The following CRYBA1 variants were observed in gnomAD, a reference collection of about 807,000 sequenced individuals.
CRYBA1 encodes the protein beta-crystallin A3.
In CRYBA1, 25 loss-of-function variants were observed where a neutral mutation model predicts 36.2. The ratio of observed to expected loss-of-function variants is 0.69; its 90% CI spans 0.50 to 0.97. The LOEUF (loss-of-function observed/expected upper bound fraction) is 0.97, where lower values mean the gene tolerates loss of function less well. CRYBA1 is among the 50% of genes least tolerant of loss of function. CRYBA1 has a pLI of 0.00. For missense variants in CRYBA1, 224 were observed against 276.3 expected (o/e 0.81, Z 1.34); for synonymous variants, 111 against 90.0 (o/e 1.23, Z -1.32).
chr17:29,254,423 T>C lies in CRYBA1; in HGVS notation c.*74T>C, dbSNP rs2068957285. The C allele has an allele frequency of 6.7e-7, 1 of 1,482,224 alleles. No individual in the cohort carries two copies. The highest frequency in any genetic ancestry group is 2.3e-5 in the East Asian group (1 of 44,336). 91.8% of individuals were successfully genotyped at this position (1,482,224 alleles called of 1,614,324 possible). ...TAAGCACTCTAGAATAAGTTTTATGTTCTGCTCACAGACATTGCTTTCAAA... is the reference window on the plus strand; with the variant it reads ...TAAGCACTCTAGAATAAGTTTTATGCTCTGCTCACAGACATTGCTTTCAAA... On this transcript the variant is annotated 3_prime_UTR_variant, in exon 6 of 6. Coordinates refer to ENST00000225387, the MANE Select transcript of CRYBA1 (RefSeq NM_005208.5).
At chr17:29,252,251 A>G (rs1324161605) in intron 4 of CRYBA1, 46 bp downstream of exon 4, 2 of 1,612,012 alleles carry the variant, frequency 1.2e-6, no homozygotes, top group South Asian at 2.2e-5. Flanking sequence ...GGGATGGGAC[A>G]AGAGGGTGTG....
intron 1 of CRYBA1, among the ~76,000 whole-genome samples, chr17:29,247,349 C>A (rs1179604023): frequency 6.6e-6 from 1 of 152,202 alleles, no homozygotes; most frequent in African/African-American, 2.4e-5. Context: ...CTTGCTCTGT[C>A]CTTCCTTTTT....
At chr17:29,248,815 A>G (rs2068917497) in intron 1 of CRYBA1, among the ~76,000 whole-genome samples, 1 of 152,036 alleles carries the variant, frequency 6.6e-6, no homozygotes, top group African/African-American at 2.4e-5. Flanking sequence ...TAAAAATACA[A>G]AAACTAGCTG....
rs775693213 is a variant in CRYBA1 at position 29,252,121 on chromosome 17, A to G, written c.273A>G (p.Gly91=). Residue 91 remains glycine (G), a synonymous_variant, in exon 4 of 6, where the codon GGA becomes GGG. Transcript: ENST00000225387. ...GGCAACAGTTTATCCTGGAGAGAGGAGAATACCCTCGCTGGGATGCCTGGA... is the reference window on the plus strand; with the variant it reads ...GGCAACAGTTTATCCTGGAGAGAGGGGAATACCCTCGCTGGGATGCCTGGA... The part of the protein sequence containing the change: ...FCGQQFILER[G]EYPRWDAWSG... 2 of 1,614,166 alleles carry G rather than the reference A, an allele frequency of 1.2e-6. No individual in the cohort carries two copies. The highest frequency in any genetic ancestry group is 1.1e-5 in the South Asian group (1 of 91,088).
At chr17:29,253,835 A>T in intron 5 of CRYBA1, 53 bp downstream of exon 5, 1 of 1,593,118 alleles carries the variant, frequency 6.3e-7, no homozygotes, top group Non-Finnish European at 8.6e-7. Flanking sequence ...CTGAGGTTGC[A>T]TCAATAGTTA....
rs371089224 is a variant in CRYBA1 at position 29,254,295 on chromosome 17, G to A, written c.594G>A (p.Trp198Ter). The change falls in exon 6 of 6, where the codon TGG becomes TGA. Residue 198 changes from tryptophan (W) to a stop codon, truncating the protein, a stop_gained. Coordinates refer to ENST00000225387, the MANE Select transcript of CRYBA1 (RefSeq NM_005208.5). LOFTEE classifies it high-confidence loss of function. ...GAGACTATAAACATTGGAGAGAGTG[G>A]GGCTCTCATGCCCAGACTTCGCAGA... The part of the protein sequence containing the change: ...HGGDYKHWRE[W>*]GSHAQTSQIQ... 2.9e-5 allele frequency: 47 copies of A among 1,613,956 alleles called. No homozygotes were observed. The highest frequency in any genetic ancestry group is 4.0e-5 in the Non-Finnish European group (47 of 1,179,954).
Position 29,248,368 on chromosome 17 carries a change from C to CT in CRYBA1, c.32-760dup, listed in dbSNP as rs1204290621. On this transcript the variant is annotated intron_variant, in intron 1 of 5. Coordinates refer to ENST00000225387, the MANE Select transcript of CRYBA1 (RefSeq NM_005208.5). ...ATTGTTTCTGATCCTTGTTTTTTTT[C>CT]TTTTTTTTTTTTTTGAGATGGAGTC... Among the ~76,000 whole-genome samples the CT allele has an allele frequency of 4.3e-3, 595 of 139,720 alleles. 3 individuals carry two copies. Among genetic ancestry groups the CT allele is most frequent in the Middle Eastern group, 0.011 (3 of 268 alleles). 91.7% of individuals were successfully genotyped at this position (139,720 alleles called of 152,430 possible). A position where few individuals can be genotyped will look rare whatever the true frequency, so the allele number is the denominator to read the frequency against.
At chr17:29,253,885 C>A in intron 5 of CRYBA1, 103 bp downstream of exon 5, 1 of 1,376,090 alleles carries the variant, frequency 7.3e-7, no homozygotes, top group Non-Finnish European at 1.0e-6. Flanking sequence ...ATAGATGTCA[C>A]ATTCTAGTTC....
chr17:29,252,992 G>C (rs531983851), intron 4 of CRYBA1, among the ~76,000 whole-genome samples: 1 of 152,202 alleles, frequency 6.6e-6, no homozygotes, highest in South Asian at 2.1e-4. Flanking sequence ...CCACCCTAAG[G>C]TATAACTGAC....
rs1465822512 is a variant in CRYBA1, at chr17:29,254,490, A to G, written c.*141A>G. On this transcript the variant is annotated 3_prime_UTR_variant, in exon 6 of 6. Coordinates refer to ENST00000225387, the MANE Select transcript of CRYBA1 (RefSeq NM_005208.5). ...CCACAATAAACGTCATTTAAAAAAA[A>G]AAAACTTTGTAGACTGAATTAACTA... 2.3e-6 allele frequency: 2 copies of G among 888,044 alleles called. No individual in the cohort carries two copies. Among genetic ancestry groups the G allele is most frequent in the Non-Finnish European group, 3.5e-6 (2 of 566,950 alleles). The allele number at this position is 888,044 out of a possible 1,614,324, so 55.0% of individuals were successfully genotyped here. A position where few individuals can be genotyped will look rare whatever the true frequency, so the allele number is the denominator to read the frequency against.
chr17:29,253,899 A>G, intron 5 of CRYBA1, 117 bp downstream of exon 5: 12 of 1,324,382 alleles, frequency 9.1e-6, no homozygotes, highest in East Asian at 5.0e-5. Context: ...CTAGTTCTAC[A>G]TAATTTTGAA....
intron 2 of CRYBA1, 57 bp from the exon 3 acceptor site, chr17:29,250,125 T>C: frequency 1.0e-6 from 1 of 977,168 alleles, no homozygotes; most frequent in Non-Finnish European, 1.7e-6. Context: ...GCTGTTGACC[T>C]GGACCTCTGT....
At chr17:29,251,940 C>A in intron 3 of CRYBA1, 124 bp from the exon 4 acceptor site, 4 of 1,206,880 alleles carry the variant, frequency 3.3e-6, no homozygotes, top group Non-Finnish European at 4.9e-6. Context: ...TTACTTTGTA[C>A]AGCTCTACTG....
rs563828775 is a variant in CRYBA1, at chr17:29,252,174, G to A, written c.326G>A (p.Arg109His). The change falls in exon 4 of 6, where the codon CGT becomes CAT. Residue 109 changes from arginine (R) to histidine (H), a missense_variant. Arg to His is a conservative substitution (Grantham distance 29, BLOSUM62 0). Transcript: ENST00000225387. ...GGGAGTAATGCCTACCACATTGAGC[G>A]TCTCATGTCCTTCCGCCCCATCTGT... Reference protein sequence around the residue: ...WSGSNAYHIERLMSFRPICSA... With the variant: ...WSGSNAYHIEHLMSFRPICSA... 8.8e-5 allele frequency: 142 copies of A among 1,614,140 alleles called. No individual in the cohort carries two copies. The highest frequency in any genetic ancestry group is 4.3e-4 in the Admixed American group (26 of 60,020).
intron 3 of CRYBA1, among the ~76,000 whole-genome samples, chr17:29,251,532 G>A (rs2068935410): frequency 1.3e-5 from 2 of 151,324 alleles, no homozygotes; most frequent in South Asian, 4.2e-4. Context: ...TCACTCTGTT[G>A]CCCAGGCTGG....
chr17:29,250,518 C>T (rs1194105423), intron 3 of CRYBA1, among the ~76,000 whole-genome samples: 3 of 152,030 alleles, frequency 2.0e-5, no homozygotes, highest in Non-Finnish European at 4.4e-5. Flanking sequence ...ATTTCAGGGG[C>T]TGGATAAAGA....
intron 3 of CRYBA1, among the ~76,000 whole-genome samples, chr17:29,250,979 T>C (rs1021215727): frequency 3.5e-4 from 54 of 152,196 alleles, no homozygotes; most frequent in African/African-American, 1.3e-3. Context: ...CACAAGTTGC[T>C]TGCCACCAAA....
Position 29,253,666 on chromosome 17 carries a change from C to G in CRYBA1, c.384C>G (p.Ile128Met). The G allele has an allele frequency of 1.2e-6, 2 of 1,613,874 alleles. No individual in the cohort carries two copies. Among genetic ancestry groups the G allele is most frequent in the Non-Finnish European group, 1.7e-6 (2 of 1,179,766 alleles). Residue 128 changes from isoleucine to methionine, a missense_variant, in exon 5 of 6, where the codon ATC becomes ATG. Coordinates refer to ENST00000225387, the MANE Select transcript of CRYBA1 (RefSeq NM_005208.5). ...ATCATAAGGAGTCTAAGATGACCAT[C>G]TTTGAGAAGGAAAACTTTATTGGAC... ...SANHKESKMT[I>M]FEKENFIGRQ... is the part of the protein sequence containing the mutation.
rs749754357 is a variant in CRYBA1, at chr17:29,253,626, T to C, written c.358-14T>C. 2.5e-6 allele frequency: 4 copies of C among 1,608,288 alleles called. No individual in the cohort carries two copies. In the South Asian group the frequency reaches 3.3e-5, roughly 13 times the overall value. On this transcript the variant is annotated splice_polypyrimidine_tract_variant and intron_variant, in intron 4 of 5. Coordinates refer to ENST00000225387, the MANE Select transcript of CRYBA1 (RefSeq NM_005208.5). ...ACTAGTACTAAACATTTTAAAACAA[T>C]TTCTGAATTACAGAATCATAAGGAG...
Sources: allele counts gnomAD v4.1 joint callset (sites outside exome capture counted in the v4.1 genomes callset), GRCh38; gene constraint gnomAD v4.1.1; transcripts MANE v1.5; gene names NCBI Gene and HGNC (gene_info 2026-07-23, HGNC 2026-07-21).